FDFT1: variants seen among roughly 807,000 people sequenced by gnomAD.
FDFT1 encodes the protein squalene synthase.
In FDFT1, 68 loss-of-function variants were observed where a neutral mutation model predicts 46.8. The observed-to-expected ratio is 1.45, with a 90% confidence interval of 1.19 to 1.78. FDFT1 has a LOEUF of 1.78. Ranked by LOEUF, FDFT1 falls within the 40% of genes most tolerant of loss-of-function variation. The probability of loss-of-function intolerance (pLI) is 0.00; values close to 1 mark genes in which losing one functional copy is unlikely to be tolerated. For missense variants in FDFT1, 928 were observed against 524.4 expected (o/e 1.77, Z -7.52); for synonymous variants, 351 against 185.1 (o/e 1.90, Z -7.28).
intron 3 of FDFT1, among the ~76,000 whole-genome samples, chr8:11,816,741 G>T (rs916285045): frequency 2.0e-5 from 3 of 152,180 alleles, no homozygotes; most frequent in Non-Finnish European, 4.4e-5. Flanking sequence ...CTTTGCTGAA[G>T]TTGCTTATCA....
At chr8:11,802,494 A>G (rs1303240431), upstream of FDFT1, 2 of 491,654 alleles carry the variant, frequency 4.1e-6, no homozygotes, top group African/African-American at 1.9e-5. Flanking sequence ...CCATCAGGGC[A>G]CCAATCCCGC....
At chr8:11,825,230 T>A (rs928793433) in intron 4 of FDFT1, among the ~76,000 whole-genome samples, 1 of 152,120 alleles carries the variant, frequency 6.6e-6, no homozygotes, top group Non-Finnish European at 1.5e-5. Flanking sequence ...TCTCATAGTT[T>A]TATGTATCAA....
chr8:11,820,858 C>G (rs1162122484), intron 3 of FDFT1, among the ~76,000 whole-genome samples: 1 of 152,210 alleles, frequency 6.6e-6, no homozygotes, highest in Non-Finnish European at 1.5e-5. Context: ...CTTTGGCTCA[C>G]CCTCCATGGG....
At chr8:11,829,016 A>T (rs1052474373) in intron 5 of FDFT1, among the ~76,000 whole-genome samples, 2 of 152,092 alleles carry the variant, frequency 1.3e-5, no homozygotes, top group African/African-American at 4.8e-5. Flanking sequence ...TCTTGGGTCT[A>T]TGCTGAGAAG....
At chr8:11,836,939 T>C (rs1389602069) in intron 7 of FDFT1, among the ~76,000 whole-genome samples, 1 of 152,120 alleles carries the variant, frequency 6.6e-6, no homozygotes, top group Non-Finnish European at 1.5e-5. Flanking sequence ...AGGCTGGAGA[T>C]AAAAAGGTGA....
chr8:11,827,762 G>A (rs976717675), intron 5 of FDFT1, among the ~76,000 whole-genome samples: 1 of 152,072 alleles, frequency 6.6e-6, no homozygotes, highest in Non-Finnish European at 1.5e-5. Context: ...TACTCTGGGG[G>A]CTGGGCAAGG....
Position 11,838,417 on chromosome 8 carries a change from A to G in FDFT1, c.1062A>G (p.Pro354=), listed in dbSNP as rs200261638. 36 of 1,613,352 alleles carry G rather than the reference A, an allele frequency of 2.2e-5. No individual in the cohort carries two copies. Among genetic ancestry groups the G allele is most frequent in the Non-Finnish European group, 2.5e-5 (29 of 1,179,710 alleles). ...EIYHRIPDSD[P]SSSKTRQIIS... is the part of the protein sequence containing the mutation. ...ATCATAGAATCCCCGACTCAGACCC[A>G]TCTTCTAGCAAAACAAGGCAGATCA... is the stretch of plus-strand genomic sequence containing the variant. The change falls in exon 8 of 8, where the codon CCA becomes CCG. Residue 354 remains proline, a synonymous_variant. Transcript: ENST00000220584.
At chr8:11,815,234 G>T (rs751888650) in intron 3 of FDFT1, among the ~76,000 whole-genome samples, 1 of 152,132 alleles carries the variant, frequency 6.6e-6, no homozygotes, top group African/African-American at 2.4e-5. Context: ...ATTCCATGGT[G>T]TATATGTGCC....
chr8:11,830,902 C>T (rs941769189), intron 6 of FDFT1, among the ~76,000 whole-genome samples: 2 of 152,174 alleles, frequency 1.3e-5, no homozygotes, highest in Admixed American at 6.5e-5. Flanking sequence ...ATTGCAGATA[C>T]TACTGCAAAT....
chr8:11,821,192 A>G (rs1004385852), intron 3 of FDFT1, among the ~76,000 whole-genome samples: 2 of 152,248 alleles, frequency 1.3e-5, no homozygotes, highest in East Asian at 3.8e-4. Context: ...CTCATTATAC[A>G]TTGGAAAGAT....
At chr8:11,826,761 G>A (rs900608678) in intron 5 of FDFT1, among the ~76,000 whole-genome samples, 1 of 152,216 alleles carries the variant, frequency 6.6e-6, no homozygotes, top group Non-Finnish European at 1.5e-5. Context: ...ATTGCGGTGA[G>A]CTCAGATTGT....
chr8:11,820,918 T>A (rs1172691694), intron 3 of FDFT1, among the ~76,000 whole-genome samples: 2 of 152,158 alleles, frequency 1.3e-5, no homozygotes, highest in Admixed American at 6.5e-5. Context: ...GGTACCTCAG[T>A]TGGAAATGCA....
intron 3 of FDFT1, among the ~76,000 whole-genome samples, chr8:11,812,072 C>G (rs1176083122): frequency 6.6e-6 from 1 of 152,240 alleles, no homozygotes; most frequent in Non-Finnish European, 1.5e-5. Context: ...TGGCCTCACA[C>G]ACAGTACTGC....
At chr8:11,837,966 A>G (rs1811766998) in intron 7 of FDFT1, among the ~76,000 whole-genome samples, 1 of 152,102 alleles carries the variant, frequency 6.6e-6, no homozygotes, top group Non-Finnish European at 1.5e-5. Flanking sequence ...TGTGGTCTGT[A>G]CTGCGTGTTC....
chr8:11,837,233 T>C (rs1811667105), intron 7 of FDFT1, among the ~76,000 whole-genome samples: 1 of 151,402 alleles, frequency 6.6e-6, no homozygotes, highest in Non-Finnish European at 1.5e-5. Flanking sequence ...TGTTCTTTTG[T>C]TTTTGTTTGT....
At chr8:11,803,896 A>T (rs184010235) in intron 1 of FDFT1, 1 of 152,752 alleles carries the variant, frequency 6.5e-6, no homozygotes, top group East Asian at 1.9e-4. Context: ...TACATCCTTC[A>T]GTCTATTTGT....
At chr8:11,815,009 C>T (rs1405104921) in intron 3 of FDFT1, among the ~76,000 whole-genome samples, 1 of 152,166 alleles carries the variant, frequency 6.6e-6, no homozygotes, top group Admixed American at 6.5e-5. Context: ...GTAATGCTAT[C>T]CCTCCCTTGG....
chr8:11,804,930 G>GA (rs201024434), intron 1 of FDFT1, among the ~76,000 whole-genome samples: 3 of 147,072 alleles, frequency 2.0e-5, no homozygotes, highest in East Asian at 2.0e-4. Context: ...TTTTTTGAGG[G>GA]GGGGGTCTCA....
chr8:11,819,883 C>A (rs1406889886), intron 3 of FDFT1, among the ~76,000 whole-genome samples: 1 of 152,036 alleles, frequency 6.6e-6, no homozygotes, highest in African/African-American at 2.4e-5. Flanking sequence ...CAGTTTTGTT[C>A]CTTTGCTGGT....
Sources: gnomAD v4.1 joint callset for allele counts (sites outside exome capture counted in the v4.1 genomes callset) on GRCh38, gnomAD v4.1.1 for gene constraint, MANE v1.5 for transcripts, NCBI Gene and HGNC (gene_info 2026-07-23, HGNC 2026-07-21) for gene names.